The following ASTN2 variants were observed in gnomAD, a reference collection of about 807,000 sequenced individuals.
ASTN2 encodes the protein astrotactin-2.
In ASTN2, 54 loss-of-function variants were observed where a neutral mutation model predicts 139.8. The observed-to-expected ratio is 0.39, with a 90% CI of 0.31 to 0.48. ASTN2 has a LOEUF of 0.48. ASTN2 is among the 20% of genes least tolerant of loss of function. The pLI is 0.95. For synonymous variants in ASTN2, 756 were observed against 719.5 expected (o/e 1.05, Z -0.81); for missense variants, 1,565 against 1,725.1 (o/e 0.91, Z 1.64).
At chr9:116,533,946 C>G (rs553271537) in intron 19 of ASTN2, among the ~76,000 whole-genome samples, 3 of 152,158 alleles carry the variant, frequency 2.0e-5, no homozygotes, top group Non-Finnish European at 4.4e-5. Context: ...GCACAAGCTC[C>G]TCCTTGTACC....
chr9:116,524,154 A>G (rs1281007075), intron 19 of ASTN2, among the ~76,000 whole-genome samples: 2 of 152,220 alleles, frequency 1.3e-5, no homozygotes, highest in African/African-American at 4.8e-5. Flanking sequence ...AAAGAAAAAG[A>G]AAAGTCATTC....
chr9:117,017,531 C>T (rs2418446), intron 6 of ASTN2, among the ~76,000 whole-genome samples: 100,848 of 152,022 alleles, frequency 0.66, 34,427 homozygotes, highest in Middle Eastern at 0.8. Context: ...AGTTGCTGTA[C>T]GATTCTAGAA....
chr9:117,320,570 A>G (rs1399137570), intron 1 of ASTN2, among the ~76,000 whole-genome samples: 2 of 152,172 alleles, frequency 1.3e-5, no homozygotes, highest in Non-Finnish European at 2.9e-5. Flanking sequence ...GTTGAACTTC[A>G]TATCCCAAGT....
At chr9:117,181,664 G>A (rs1206088981) in intron 3 of ASTN2, among the ~76,000 whole-genome samples, 1 of 152,162 alleles carries the variant, frequency 6.6e-6, no homozygotes, top group Non-Finnish European at 1.5e-5. Flanking sequence ...AGCAGGTCCT[G>A]TTTTGCCTGG....
At chr9:117,358,289 CACACACAT>C (rs1426425730) in intron 1 of ASTN2, among the ~76,000 whole-genome samples, 1 of 151,624 alleles carries the variant, frequency 6.6e-6, no homozygotes, top group Admixed American at 6.6e-5. Context: ...CACACACACA[CACACACAT>C]ACACATCCAC....
At chr9:116,770,206 A>G (rs538348648) in intron 13 of ASTN2, among the ~76,000 whole-genome samples, 2 of 152,000 alleles carry the variant, frequency 1.3e-5, no homozygotes, top group Non-Finnish European at 2.9e-5. Context: ...GATATTGGAG[A>G]ACATAGATGG....
At chr9:117,033,284 AT>A (rs1328686727) in intron 6 of ASTN2, among the ~76,000 whole-genome samples, 3 of 151,808 alleles carry the variant, frequency 2.0e-5, no homozygotes, top group Admixed American at 2.0e-4. Flanking sequence ...TTCTCAGGAG[AT>A]TTTCTATGAT....
intron 3 of ASTN2, among the ~76,000 whole-genome samples, chr9:117,153,514 CTA>C (rs1323319399): frequency 6.6e-6 from 1 of 152,104 alleles, no homozygotes; most frequent in Non-Finnish European, 1.5e-5. Context: ...ATCATTATCT[CTA>C]TCTTATAAAT....
At chr9:116,766,388 C>T (rs1239883590) in intron 13 of ASTN2, among the ~76,000 whole-genome samples, 1 of 151,850 alleles carries the variant, frequency 6.6e-6, no homozygotes, top group Non-Finnish European at 1.5e-5. Flanking sequence ...CATACATGCC[C>T]TCACACAATT....
intron 1 of ASTN2, among the ~76,000 whole-genome samples, chr9:117,350,287 G>A (rs535459160): frequency 1.3e-5 from 2 of 152,302 alleles, no homozygotes; most frequent in Admixed American, 1.3e-4. Context: ...AGTGGCTCAG[G>A]CCTGTAATCT....
At chr9:117,046,155 C>A (rs1421353136) in intron 5 of ASTN2, among the ~76,000 whole-genome samples, 1 of 152,040 alleles carries the variant, frequency 6.6e-6, no homozygotes, top group East Asian at 1.9e-4. Context: ...CAAACGCCAC[C>A]ACACCTGGCT....
intron 1 of ASTN2, among the ~76,000 whole-genome samples, chr9:117,333,541 C>T (rs1828783114): frequency 6.6e-6 from 1 of 152,148 alleles, no homozygotes; most frequent in South Asian, 2.1e-4. Flanking sequence ...ACAGTTATTG[C>T]AGGGGGGGTT....
intron 1 of ASTN2, among the ~76,000 whole-genome samples, chr9:117,334,610 C>A (rs548317376): frequency 1.3e-5 from 2 of 151,968 alleles, no homozygotes; most frequent in African/African-American, 4.8e-5. Context: ...CTGCTAAATG[C>A]CTTTTACACA....
intron 2 of ASTN2, among the ~76,000 whole-genome samples, chr9:117,245,493 T>C (rs1833353688): frequency 6.6e-6 from 1 of 151,996 alleles, no homozygotes; most frequent in African/African-American, 2.4e-5. Context: ...TCCTCAATTG[T>C]GTGTTTGGAT....
At chr9:117,222,326 C>T (rs1208566967) in intron 2 of ASTN2, among the ~76,000 whole-genome samples, 1 of 152,184 alleles carries the variant, frequency 6.6e-6, no homozygotes, top group Non-Finnish European at 1.5e-5. Flanking sequence ...TGCAACCACC[C>T]CTACTAAGCT....
At chr9:117,094,691 C>T (rs887936821) in intron 5 of ASTN2, among the ~76,000 whole-genome samples, 1 of 152,100 alleles carries the variant, frequency 6.6e-6, no homozygotes, top group Non-Finnish European at 1.5e-5. Context: ...AACACTCCTC[C>T]CACGTGGGGC....
chr9:116,443,552 A>G (rs1299466366), intron 20 of ASTN2, among the ~76,000 whole-genome samples: 2 of 152,136 alleles, frequency 1.3e-5, no homozygotes, highest in African/African-American at 2.4e-5. Context: ...TCCAGAGCAC[A>G]TAATTGTTTC....
intron 7 of ASTN2, among the ~76,000 whole-genome samples, chr9:117,006,301 C>G (rs1001746420): frequency 3.9e-5 from 6 of 152,176 alleles, no homozygotes; most frequent in African/African-American, 1.2e-4. Context: ...CAAAACAACA[C>G]TCTTTATCTT....
At chr9:116,733,960 A>T (rs1449391751) in intron 13 of ASTN2, among the ~76,000 whole-genome samples, 1 of 152,210 alleles carries the variant, frequency 6.6e-6, no homozygotes, top group African/African-American at 2.4e-5. Context: ...GAGAACTGAG[A>T]ATAGTGCGTA....
Sources: gnomAD v4.1 joint callset for allele counts (sites outside exome capture counted in the v4.1 genomes callset) on GRCh38, gnomAD v4.1.1 for gene constraint, MANE v1.5 for transcripts, NCBI Gene and HGNC (gene_info 2026-07-23, HGNC 2026-07-21) for gene names.